Variants in FHIP2B observed in about 807,000 individuals in gnomAD.
The protein encoded by FHIP2B is FHF complex subunit HOOK-interacting protein 2B.
Under a neutral mutation model 84.0 loss-of-function variants are expected in FHIP2B, and 72 were observed. That is an observed-to-expected ratio of 0.86 (90% confidence interval 0.71 to 1.04). The LOEUF (loss-of-function observed/expected upper bound fraction) is 1.04. Among genes scored for constraint, FHIP2B ranks in the 50% least tolerant of loss-of-function variants. The pLI is 0.00. For missense variants in FHIP2B, 972 were observed against 968.9 expected, an observed-to-expected ratio of 1.00 and a Z score of -0.04; for synonymous variants, 497 against 418.7, an observed-to-expected ratio of 1.19 and a Z score of -2.28.
At chr8:22,094,687 T>C (rs1267569766) in intron 2 of FHIP2B, 169 bp downstream of exon 2, 1 of 1,452,580 alleles carries the variant, frequency 6.9e-7, no homozygotes, top group African/African-American at 1.5e-5. Flanking sequence ...CCCAGAGCCC[T>C]GGGCCACTCC....
intron 1 of FHIP2B, among the ~76,000 whole-genome samples, chr8:22,093,617 T>C (rs768981833): frequency 2.6e-5 from 4 of 151,184 alleles, no homozygotes; most frequent in Non-Finnish European, 4.4e-5. Flanking sequence ...ATCATGCTAA[T>C]GTTACCTACC....
chr8:22,098,797 T>A, intron 7 of FHIP2B, 151 bp from the exon 8 acceptor site: 1 of 927,162 alleles, frequency 1.1e-6, no homozygotes. Flanking sequence ...GTACTGGTTT[T>A]GCTGCCTCTG....
intron 1 of FHIP2B, chr8:22,089,761 A>G: frequency 1.6e-6 from 2 of 1,272,980 alleles, no homozygotes; most frequent in South Asian, 2.5e-5. Context: ...GATCTCCCAG[A>G]CAACTCCAGG....
Position 22,098,432 on chromosome 8 carries a change from G to T in FHIP2B, c.778G>T (p.Val260Leu). 1 of 1,595,530 alleles carries T rather than the reference G, an allele frequency of 6.3e-7. No individual in the cohort carries two copies. The highest frequency in any genetic ancestry group is 8.6e-7 in the Non-Finnish European group (1 of 1,168,614). ...TATCCTCATCCCCTAGAAGAGTCGGGTGGCCTTGAAGGCCCAGGAGAACCT... is the reference window on the plus strand; with the variant it reads ...TATCCTCATCCCCTAGAAGAGTCGGTTGGCCTTGAAGGCCCAGGAGAACCT... ...LGLCQSKKSR[V>L]ALKAQENLLL... Residue 260 changes from valine to leucine, a missense_variant, in exon 7 of 17, where the codon GTG (valine) becomes TTG (leucine). Coordinates refer to ENST00000289921, the MANE Select transcript of FHIP2B (RefSeq NM_022749.7).
intron 8 of FHIP2B, 35 bp downstream of exon 8, chr8:22,099,091 C>G: frequency 6.5e-7 from 1 of 1,531,990 alleles, no homozygotes; most frequent in Non-Finnish European, 8.9e-7. Flanking sequence ...GGCTCTCATG[C>G]TGTTCCCTGT....
intron 5 of FHIP2B, 80 bp downstream of exon 5, chr8:22,097,919 A>C: frequency 6.3e-7 from 1 of 1,576,812 alleles, no homozygotes; most frequent in South Asian, 1.1e-5. Flanking sequence ...GAGGAGGCAG[A>C]AGCAGAGATC....
At chr8:22,098,729 G>A in intron 7 of FHIP2B, 110 bp downstream of exon 7, 1 of 1,193,878 alleles carries the variant, frequency 8.4e-7, no homozygotes, top group Non-Finnish European at 1.2e-6. Flanking sequence ...ACCCCTGCTG[G>A]CCACCCTCTC....
intron 1 of FHIP2B, chr8:22,089,644 G>A (rs1230913658): frequency 3.7e-6 from 2 of 536,002 alleles, no homozygotes; most frequent in Non-Finnish European, 5.8e-6. Flanking sequence ...TGCCCCCCGG[G>A]GCCCTAGGCC....
At chr8:22,100,186 A>C in intron 10 of FHIP2B, 1 of 426,722 alleles carries the variant, frequency 2.3e-6, no homozygotes, top group Non-Finnish European at 4.1e-6. Context: ...CTCTCACCTC[A>C]GCCTCCTAAA....
At chr8:22,097,382 C>G in intron 3 of FHIP2B, 134 bp from the exon 4 acceptor site, 1 of 606,012 alleles carries the variant, frequency 1.7e-6, no homozygotes, top group Non-Finnish European at 3.0e-6. Context: ...CTGTCCCTGG[C>G]CTCAGTACCC....
At chr8:22,094,776 G>A in intron 2 of FHIP2B, 1 of 1,285,426 alleles carries the variant, frequency 7.8e-7, no homozygotes, top group South Asian at 1.8e-5. Flanking sequence ...CCTGGTTGGG[G>A]GTCTCACTGG....
chr8:22,100,701 C>T lies in FHIP2B; in HGVS notation c.1449C>T (p.Ala483=). The change falls in exon 11 of 17, where the codon GCC becomes GCT. Residue 483 remains alanine (A), a synonymous_variant. Coordinates refer to ENST00000289921, the MANE Select transcript of FHIP2B (RefSeq NM_022749.7). Reference sequence around the variant, plus strand: ...ACCTTGAGGGCCGCCCTTACGTGGCCTGGGGCTCACCAGAGCCTGAGAGCT... The same window carrying T: ...ACCTTGAGGGCCGCCCTTACGTGGCTTGGGGCTCACCAGAGCCTGAGAGCT... ...LRNLEGRPYV[A]WGSPEPESYE... The T allele has an allele frequency of 6.2e-7, 1 of 1,605,824 alleles. No homozygotes were observed. The highest frequency in any genetic ancestry group is 1.3e-5 in the African/African-American group (1 of 74,832).
Position 22,098,144 on chromosome 8 carries a change from A to T in FHIP2B, c.602A>T (p.Asp201Val). Residue 201 changes from aspartate to valine, a missense_variant, in exon 6 of 17, where the codon GAC becomes GTC. Asp to Val is a radical substitution (Grantham distance 152). Coordinates refer to ENST00000289921, the MANE Select transcript of FHIP2B (RefSeq NM_022749.7). Reference protein sequence around the residue: ...ALPKDTTSHGDKDCSHDGAPA... With the variant: ...ALPKDTTSHGVKDCSHDGAPA... ...CCTAAGGACACAACCAGCCACGGGG[A>T]CAAGGACTGCTCCCACGATGGTGCT... The T allele has an allele frequency of 3.2e-6, 5 of 1,580,170 alleles. No individual in the cohort carries two copies. Among genetic ancestry groups the T allele is most frequent in the Non-Finnish European group, 4.3e-6 (5 of 1,163,418 alleles).
chr8:22,093,044 A>G (rs955461771), intron 1 of FHIP2B, among the ~76,000 whole-genome samples: 3 of 152,158 alleles, frequency 2.0e-5, no homozygotes, highest in African/African-American at 7.2e-5. Context: ...AAATGATTTC[A>G]TGAGTGGCTA....
chr8:22,090,232 A>AAATC (rs1825413376), intron 1 of FHIP2B, among the ~76,000 whole-genome samples: 1 of 152,010 alleles, frequency 6.6e-6, no homozygotes, highest in Admixed American at 6.6e-5. Context: ...CTCCTAGTAT[A>AAATC]AATCTTCCCC....
intron 3 of FHIP2B, chr8:22,097,181 A>T (rs1316474436): frequency 7.8e-6 from 3 of 384,292 alleles, no homozygotes; most frequent in Non-Finnish European, 1.4e-5. Context: ...GCTAGTTTCG[A>T]ACAACGTGGC....
At position 22,104,002 on chromosome 8, in the gene FHIP2B, G is replaced by C. The variant is rs1380052197; in HGVS notation, c.*1071G>C. The stretch of plus-strand genomic sequence containing the variant: ...GCGGGACTACACAGTTGCTGGCTTT[G>C]CTCCTGGGCAAGGAGGAGCAGGCCA... On this transcript the variant is annotated 3_prime_UTR_variant, in exon 17 of 17. Transcript: ENST00000289921. 1 of 152,626 alleles carries C rather than the reference G, an allele frequency of 6.6e-6. No individual in the cohort carries two copies. Among genetic ancestry groups the C allele is most frequent in the Non-Finnish European group, 1.5e-5 (1 of 68,050 alleles). 9.5% of individuals were successfully genotyped at this position (152,626 alleles called of 1,614,324 possible).
rs924428816 is a variant in FHIP2B at position 22,102,587 on chromosome 8, C to T, written c.2052C>T (p.Leu684=). ...TACCCCAGTTCCCAGGCAAGCTGCTCCTGGTGCGCAAGCAGTTGACGGGCC... is the reference window on the plus strand; with the variant it reads ...TACCCCAGTTCCCAGGCAAGCTGCTTCTGGTGCGCAAGCAGTTGACGGGCC... ...QRVPQFPGKL[L]LVRKQLTGQA... Residue 684 remains leucine, a synonymous_variant, in exon 16 of 17, where the codon CTC becomes CTT. Coordinates refer to ENST00000289921, the MANE Select transcript of FHIP2B (RefSeq NM_022749.7). The T allele has an allele frequency of 2.6e-6, 4 of 1,564,820 alleles. No individual in the cohort carries two copies. The highest frequency in any genetic ancestry group is 2.7e-5 in the African/African-American group (2 of 73,666).
chr8:22,101,188 A>G, intron 12 of FHIP2B: 2 of 667,140 alleles, frequency 3.0e-6, no homozygotes, highest in Admixed American at 5.9e-5. Context: ...ACACCCAGCT[A>G]ATTTTTATAG....
Sources: gnomAD v4.1 joint callset for allele counts (sites outside exome capture counted in the v4.1 genomes callset) on GRCh38, gnomAD v4.1.1 for gene constraint, MANE v1.5 for transcripts, NCBI Gene and HGNC (gene_info 2026-07-23, HGNC 2026-07-21) for gene names.